MC2R: variants seen among roughly 807,000 people sequenced by gnomAD.
MC2R encodes adrenocorticotropic hormone receptor.
Under a neutral mutation model 9.8 loss-of-function variants are expected in MC2R, and 9 were observed. That is an observed-to-expected ratio of 0.92 (90% CI 0.55 to 1.60). The LOEUF (loss-of-function observed/expected upper bound fraction) is 1.60. Ranked by LOEUF, MC2R falls within the 40% of genes most tolerant of loss-of-function variation. The pLI, the probability that MC2R is intolerant of heterozygous loss-of-function variation, is 0.00. For missense variants in MC2R, 370 were observed against 389.0 expected (o/e 0.95, Z 0.41); for synonymous variants, 185 against 154.7 (o/e 1.20, Z -1.45).
intron 1 of MC2R, 117 bp from the exon 2 acceptor site, chr18:13,885,763 G>A: frequency 2.0e-6 from 1 of 507,514 alleles, no homozygotes; most frequent in South Asian, 2.2e-5. Context: ...CAGTATATTA[G>A]AAGGAGCCTG....
chr18:13,886,089 G>A (rs541722625), intron 1 of MC2R, among the ~76,000 whole-genome samples: 3 of 152,124 alleles, frequency 2.0e-5, no homozygotes, highest in Admixed American at 6.5e-5. Flanking sequence ...GGGAGGGGGC[G>A]GGTGATGAGA....
chr18:13,885,779 G>A (rs758923717), intron 1 of MC2R, 133 bp from the exon 2 acceptor site: 36 of 473,910 alleles, frequency 7.6e-5, no homozygotes, highest in Non-Finnish European at 8.0e-5. Context: ...GCCTGCACAT[G>A]TATGTTTATT....
At chr18:13,893,315 G>A (rs2045327889) in intron 1 of MC2R, among the ~76,000 whole-genome samples, 1 of 152,196 alleles carries the variant, frequency 6.6e-6, no homozygotes. Flanking sequence ...TATGAGTATT[G>A]ATAGTGAAAG....
chr18:13,896,692 G>A (rs1309365839), intron 1 of MC2R, among the ~76,000 whole-genome samples: 1 of 152,174 alleles, frequency 6.6e-6, no homozygotes, highest in Non-Finnish European at 1.5e-5. Flanking sequence ...TCTGGAGCAA[G>A]GAACACACTC....
chr18:13,890,856 G>A (rs997487665), intron 1 of MC2R, among the ~76,000 whole-genome samples: 2 of 149,372 alleles, frequency 1.3e-5, no homozygotes, highest in African/African-American at 2.5e-5. Flanking sequence ...TCTCTCAGTC[G>A]TTAGGGTTTC....
chr18:13,904,740 C>A (rs1477327061), intron 1 of MC2R, among the ~76,000 whole-genome samples: 1 of 152,032 alleles, frequency 6.6e-6, no homozygotes, highest in Non-Finnish European at 1.5e-5. Context: ...AGAAATAACA[C>A]CACACATCTA....
intron 1 of MC2R, among the ~76,000 whole-genome samples, chr18:13,911,897 C>T (rs917722770): frequency 1.9e-4 from 29 of 152,116 alleles, no homozygotes; most frequent in African/African-American, 6.5e-4. Context: ...CACCGTACTG[C>T]CTATGAACAT....
Position 13,884,732 on chromosome 18 carries a change from T to G in MC2R, c.787A>C (p.Met263Leu), listed in dbSNP as rs2045262093. 12 of 1,613,972 alleles carry G rather than the reference T, an allele frequency of 7.4e-6. No homozygotes were observed. The highest frequency in any genetic ancestry group is 1.3e-5 in the African/African-American group (1 of 74,882). ...ATGACGGCATTGCACATGATCAACA[T>G]GCCGTTCACCTGGAAGAGAGACATG... ...CYMSLFQVNG[M>L]LIMCNAVIDP... is the part of the protein sequence containing the mutation. Residue 263 changes from methionine (M) to leucine (L), a missense_variant, in exon 2 of 2, where the codon ATG becomes CTG. Transcript: ENST00000327606.
chr18:13,890,520 C>T (rs530063254), intron 1 of MC2R, among the ~76,000 whole-genome samples: 10 of 152,240 alleles, frequency 6.6e-5, no homozygotes, highest in African/African-American at 2.2e-4. Flanking sequence ...GGAGCTGTCA[C>T]GCGGCTGGGG....
chr18:13,906,596 G>A (rs2045415980), intron 1 of MC2R, among the ~76,000 whole-genome samples: 1 of 152,078 alleles, frequency 6.6e-6, no homozygotes, highest in Non-Finnish European at 1.5e-5. Flanking sequence ...AGTCAAATTA[G>A]CCTTGTTTGC....
chr18:13,889,327 G>A (rs1245647867), intron 1 of MC2R, among the ~76,000 whole-genome samples: 1 of 152,244 alleles, frequency 6.6e-6, no homozygotes, highest in Non-Finnish European at 1.5e-5. Context: ...CCAGGAGGCA[G>A]AGATGGGGTG....
At chr18:13,911,701 T>A (rs2045445660) in intron 1 of MC2R, among the ~76,000 whole-genome samples, 1 of 152,136 alleles carries the variant, frequency 6.6e-6, no homozygotes, top group South Asian at 2.1e-4. Flanking sequence ...GTCTCCATCC[T>A]AGGGTCTGGG....
At chr18:13,894,048 C>G (rs1567898625) in intron 1 of MC2R, among the ~76,000 whole-genome samples, 1 of 152,166 alleles carries the variant, frequency 6.6e-6, no homozygotes, top group African/African-American at 2.4e-5. Context: ...CCTCTGCTCA[C>G]TCATCTTTCT....
intron 1 of MC2R, among the ~76,000 whole-genome samples, chr18:13,890,815 C>T (rs1000788453): frequency 2.0e-5 from 3 of 152,170 alleles, no homozygotes; most frequent in African/African-American, 7.2e-5. Flanking sequence ...TTTCTTTATG[C>T]ATACACCAGC....
At chr18:13,906,414 C>T (rs1210056182) in intron 1 of MC2R, among the ~76,000 whole-genome samples, 1 of 152,012 alleles carries the variant, frequency 6.6e-6, no homozygotes, top group Non-Finnish European at 1.5e-5. Flanking sequence ...GAACAACACA[C>T]ACCAGGGCCT....
intron 1 of MC2R, among the ~76,000 whole-genome samples, chr18:13,902,910 A>T (rs991709904): frequency 1.3e-5 from 2 of 152,238 alleles, no homozygotes; most frequent in African/African-American, 4.8e-5. Context: ...GACAGCCCAT[A>T]GAATGAGAGA....
intron 1 of MC2R, among the ~76,000 whole-genome samples, chr18:13,895,095 G>A (rs1000551760): frequency 6.6e-6 from 1 of 152,182 alleles, no homozygotes; most frequent in Non-Finnish European, 1.5e-5. Context: ...GAGGTGCACG[G>A]TAATAATTTA....
At position 13,905,267 on chromosome 18, in the gene MC2R, C is replaced by G. The variant is rs139119380; in HGVS notation, c.-129+10221G>C. 6.8e-3 allele frequency among the ~76,000 whole-genome samples: 1,036 copies of G among 152,204 alleles called. 7 individuals are homozygous for G. Among genetic ancestry groups the G allele is most frequent in the Middle Eastern group, 0.027 (8 of 294 alleles). ...CAAAAGAAGACATTTATGCGGCCAA[C>G]AAACAAATGAAAAAAAGCTACCATC... is the stretch of plus-strand genomic sequence containing the variant. On this transcript the variant is annotated intron_variant, in intron 1 of 1. Coordinates refer to ENST00000327606, the MANE Select transcript of MC2R (RefSeq NM_000529.2).
At chr18:13,904,390 A>G (rs968335351) in intron 1 of MC2R, among the ~76,000 whole-genome samples, 7 of 151,622 alleles carry the variant, frequency 4.6e-5, no homozygotes, top group African/African-American at 1.7e-4. Flanking sequence ...CAAAAAAAAA[A>G]AAAAAAAAAG....
Sources: allele counts gnomAD v4.1 joint callset (sites outside exome capture counted in the v4.1 genomes callset), GRCh38; gene constraint gnomAD v4.1.1; transcripts MANE v1.5; gene names NCBI Gene and HGNC (gene_info 2026-07-23, HGNC 2026-07-21).